The following ADAMTS3 variants were observed in gnomAD, a reference collection of about 807,000 sequenced individuals.
ADAMTS3 encodes the protein A disintegrin and metalloproteinase with thrombospondin motifs 3.
Under a neutral mutation model 129.0 loss-of-function variants are expected in ADAMTS3, and 73 were observed. That is an observed-to-expected ratio of 0.57 (90% CI 0.47 to 0.69). The LOEUF is 0.69. Among genes scored for constraint, ADAMTS3 ranks in the 30% least tolerant of loss-of-function variants. The probability of loss-of-function intolerance (pLI) is 0.00; values close to 1 mark genes in which losing one functional copy is unlikely to be tolerated. For synonymous variants in ADAMTS3, 477 were observed against 510.8 expected (o/e 0.93, Z 0.89); for missense variants, 1,457 against 1,514.5 (o/e 0.96, Z 0.63).
At chr4:72,540,575 C>T (rs561388459) in intron 3 of ADAMTS3, among the ~76,000 whole-genome samples, 1 of 152,294 alleles carries the variant, frequency 6.6e-6, no homozygotes, top group African/African-American at 2.4e-5. Flanking sequence ...CAGAGGTCTT[C>T]ACAGCAGCCC....
At chr4:72,524,863 G>A (rs942465654) in intron 3 of ADAMTS3, among the ~76,000 whole-genome samples, 6 of 152,088 alleles carry the variant, frequency 3.9e-5, no homozygotes, top group African/African-American at 1.4e-4. Context: ...AGAAGAAATA[G>A]AACTGGACAG....
rs1718334534 is a variant in ADAMTS3, at chr4:72,281,271, C to G, written c.*1865G>C. ...ACTATCTGGAATTTGCCTAATTTGA[C>G]CTTCAAAGTTCTTGCACAAAGTAGC... On this transcript the variant is annotated 3_prime_UTR_variant, in exon 22 of 22. Coordinates refer to ENST00000286657, the MANE Select transcript of ADAMTS3 (RefSeq NM_014243.3). 6.6e-6 allele frequency: 1 copy of G among 152,396 alleles called. No homozygotes were observed. The highest frequency in any genetic ancestry group is 1.5e-5 in the Non-Finnish European group (1 of 67,978). The allele number at this position is 152,396 out of a possible 1,614,324, so 9.4% of individuals were successfully genotyped here.
rs537344506 is a variant in ADAMTS3, at chr4:72,321,121, C to T, written c.946-251G>A. Among the ~76,000 whole-genome samples the T allele has an allele frequency of 1.9e-3, 286 of 152,178 alleles. 2 individuals carry two copies. Among genetic ancestry groups the T allele is most frequent in the African/African-American group, 6.3e-3 (261 of 41,526 alleles). ...GAGAATGGTTTTGTTATATTTGAGACAGAATCTCACAATTTTACCTGTGGG... is the reference window on the plus strand; with the variant it reads ...GAGAATGGTTTTGTTATATTTGAGATAGAATCTCACAATTTTACCTGTGGG... On this transcript the variant is annotated intron_variant, in intron 6 of 21. Transcript: ENST00000286657.
intron 3 of ADAMTS3, among the ~76,000 whole-genome samples, chr4:72,522,809 C>G (rs566126354): frequency 6.6e-6 from 1 of 151,856 alleles, no homozygotes. Context: ...AAGGTTATAA[C>G]CTTATAAAAG....
intron 3 of ADAMTS3, among the ~76,000 whole-genome samples, chr4:72,542,204 G>A (rs1429598639): frequency 5.3e-5 from 8 of 152,130 alleles, no homozygotes; most frequent in South Asian, 2.1e-4. Context: ...TTGCTCTGTC[G>A]CCTAGGCTGG....
intron 3 of ADAMTS3, among the ~76,000 whole-genome samples, chr4:72,501,582 C>T (rs1258184342): frequency 6.6e-6 from 1 of 151,890 alleles, no homozygotes; most frequent in Non-Finnish European, 1.5e-5. Context: ...AATTTGACTC[C>T]TTCTCCTATT....
intron 4 of ADAMTS3, among the ~76,000 whole-genome samples, chr4:72,379,716 T>A (rs1269051521): frequency 6.6e-6 from 1 of 152,178 alleles, no homozygotes; most frequent in Non-Finnish European, 1.5e-5. Flanking sequence ...ATCTGTAGTA[T>A]CATACACTTC....
intron 12 of ADAMTS3, 58 bp from the exon 13 acceptor site, chr4:72,312,524 T>G: frequency 6.4e-7 from 1 of 1,566,528 alleles, no homozygotes; most frequent in Non-Finnish European, 8.7e-7. Flanking sequence ...AGTTGAAGCT[T>G]GCAGACACAG....
intron 3 of ADAMTS3, among the ~76,000 whole-genome samples, chr4:72,473,221 C>G (rs970769097): frequency 1.3e-5 from 2 of 151,970 alleles, no homozygotes; most frequent in Non-Finnish European, 2.9e-5. Flanking sequence ...GTACAACTGT[C>G]TACTCTGGAC....
chr4:72,292,942 T>C (rs1718713303), intron 19 of ADAMTS3, among the ~76,000 whole-genome samples: 2 of 151,782 alleles, frequency 1.3e-5, no homozygotes, highest in Non-Finnish European at 2.9e-5. Context: ...AAGACAAATA[T>C]TATACTTCAC....
intron 3 of ADAMTS3, among the ~76,000 whole-genome samples, chr4:72,510,473 C>T (rs1277295052): frequency 6.6e-6 from 1 of 151,812 alleles, no homozygotes; most frequent in African/African-American, 2.4e-5. Flanking sequence ...TTTCTATATG[C>T]CAACAGTGAA....
intron 3 of ADAMTS3, among the ~76,000 whole-genome samples, chr4:72,425,949 A>G (rs1722562862): frequency 6.6e-6 from 1 of 152,076 alleles, no homozygotes; most frequent in East Asian, 1.9e-4. Context: ...CAGTCCCATC[A>G]ACAGTGTAAA....
chr4:72,356,369 T>C lies in ADAMTS3; in HGVS notation c.662-16676A>G, dbSNP rs560759410. On this transcript the variant is annotated intron_variant, in intron 4 of 21. Transcript: ENST00000286657. ...ATAATATACACAGAGGCACACACTA[T>C]TATATGATATTCTATTCTATCTCAT... Among the ~76,000 whole-genome samples the C allele has an allele frequency of 5.9e-5, 9 of 152,008 alleles. No individual in the cohort carries two copies. In the South Asian group the frequency reaches 1.9e-3, roughly 32 times the overall value.
chr4:72,494,039 G>A (rs570251040), intron 3 of ADAMTS3, among the ~76,000 whole-genome samples: 15 of 152,208 alleles, frequency 9.9e-5, no homozygotes, highest in African/African-American at 3.1e-4. Flanking sequence ...TGATTACAAT[G>A]TGCCTCAGTA....
chr4:72,318,737 T>G, intron 9 of ADAMTS3, 33 bp from the exon 10 acceptor site: 1 of 1,596,160 alleles, frequency 6.3e-7, no homozygotes, highest in Non-Finnish European at 8.5e-7. Flanking sequence ...TGTAGTTAAA[T>G]GTTCACTTAA....
chr4:72,455,312 A>C (rs935119798), intron 3 of ADAMTS3, among the ~76,000 whole-genome samples: 1 of 151,742 alleles, frequency 6.6e-6, no homozygotes, highest in African/African-American at 2.4e-5. Flanking sequence ...AGATAGGTTC[A>C]TGTCCTTTGC....
chr4:72,373,420 G>A (rs952447057), intron 4 of ADAMTS3, among the ~76,000 whole-genome samples: 14 of 152,038 alleles, frequency 9.2e-5, no homozygotes, highest in Admixed American at 2.0e-4. Flanking sequence ...AAAAATTGTG[G>A]TACACTTATA....
At position 72,454,271 on chromosome 4, in the gene ADAMTS3, T is replaced by A. The variant is rs1383537442; in HGVS notation, c.505-39300A>T. On this transcript the variant is annotated intron_variant, in intron 3 of 21. Transcript: ENST00000286657. ...CCTTTGACTTAAGTATTTTTGGTTT[T>A]ACAGATAAGTTAGTTGTAAAATAAT... is the stretch of plus-strand genomic sequence containing the variant. 2.0e-5 allele frequency among the ~76,000 whole-genome samples: 3 copies of A among 151,754 alleles called. No homozygotes were observed. In the East Asian group the frequency reaches 5.9e-4, roughly 30 times the overall value.
chr4:72,483,013 A>G (rs1277152260), intron 3 of ADAMTS3, among the ~76,000 whole-genome samples: 3 of 152,210 alleles, frequency 2.0e-5, no homozygotes, highest in African/African-American at 7.2e-5. Flanking sequence ...CCAACCTGAA[A>G]GTGTGCTAAT....
Sources: allele counts gnomAD v4.1 joint callset (sites outside exome capture counted in the v4.1 genomes callset), GRCh38; gene constraint gnomAD v4.1.1; transcripts MANE v1.5; gene names NCBI Gene and HGNC (gene_info 2026-07-23, HGNC 2026-07-21).